Variants in PGBD2 observed in about 807,000 individuals in gnomAD.
PGBD2 encodes the protein piggyBac transposable element derived 2.
Under a neutral mutation model 8.1 loss-of-function variants are expected in PGBD2, and 6 were observed. The observed-to-expected ratio is 0.74, with a 90% CI of 0.40 to 1.46. The LOEUF (loss-of-function observed/expected upper bound fraction) is 1.46. Ranked by LOEUF, PGBD2 falls within the 40% of genes most tolerant of loss-of-function variation. The pLI is 0.02. For synonymous variants in PGBD2, 318 were observed against 272.2 expected, an observed-to-expected ratio of 1.17 and a Z score of -1.66; for missense variants, 802 against 739.0, an observed-to-expected ratio of 1.09 and a Z score of -0.99.
the PGBD2 span, among the ~76,000 whole-genome samples, chr1:248,874,891 G>A: frequency 2.0e-5 from 3 of 148,980 alleles, no homozygotes; most frequent in South Asian, 6.5e-4. Context: ...AAGGTAGATA[G>A]ATAGGTAGAT....
At chr1:248,903,515 C>G (rs968416045), upstream of PGBD2, among the ~76,000 whole-genome samples, 1 of 152,184 alleles carries the variant, frequency 6.6e-6, no homozygotes, top group Non-Finnish European at 1.5e-5. Flanking sequence ...TGCAGGACAT[C>G]AAATCCTTAA....
the PGBD2 span, among the ~76,000 whole-genome samples, chr1:248,874,933 G>GATAGATAGATAGATAGATAGACAA: frequency 2.5e-3 from 377 of 150,674 alleles, 2 homozygotes; most frequent in African/African-American, 9.0e-3. Context: ...TAGATAGATA[G>GATAGATAGATAGATAGATAGACAA]ATAGATAGAT....
At chr1:248,915,650 G>T (rs1460305659) in intron 2 of PGBD2, among the ~76,000 whole-genome samples, 1 of 152,158 alleles carries the variant, frequency 6.6e-6, no homozygotes, top group Non-Finnish European at 1.5e-5. Flanking sequence ...CCATCCATTT[G>T]GTTCCTATGT....
chr1:248,919,319 A>G (rs1048878735), downstream of PGBD2: 1 of 166,882 alleles, frequency 6.0e-6, no homozygotes, highest in Non-Finnish European at 1.5e-5. Flanking sequence ...AGCTCCCACA[A>G]ATAAGTGAGA....
the PGBD2 span, among the ~76,000 whole-genome samples, chr1:248,889,849 A>G: frequency 1.3e-5 from 2 of 151,096 alleles, no homozygotes; most frequent in African/African-American, 2.5e-5. Context: ...TCCCTCCCAG[A>G]TAGGCAAAAC....
chr1:248,904,210 G>C (rs1661580820), upstream of PGBD2, among the ~76,000 whole-genome samples: 1 of 151,516 alleles, frequency 6.6e-6, no homozygotes, highest in African/African-American at 2.4e-5. Flanking sequence ...AGCTTATTTA[G>C]CCTATTTCTC....
At chr1:248,883,911 T>C in the PGBD2 span, among the ~76,000 whole-genome samples, 2 of 152,184 alleles carry the variant, frequency 1.3e-5, no homozygotes, top group Admixed American at 6.5e-5. Context: ...TTTCTTCTAC[T>C]GTGCAGAAGC....
the PGBD2 span, among the ~76,000 whole-genome samples, chr1:248,883,972 G>A: frequency 2.2e-3 from 331 of 152,192 alleles, no homozygotes; most frequent in African/African-American, 7.7e-3. Context: ...AGTTGCAATT[G>A]CTTTTGAGCA....
the PGBD2 span, among the ~76,000 whole-genome samples, chr1:248,887,595 G>A: frequency 3.3e-5 from 5 of 152,240 alleles, no homozygotes; most frequent in Admixed American, 3.3e-4. Flanking sequence ...GGAGATGATG[G>A]GAGCGAAACA....
intron 2 of PGBD2, among the ~76,000 whole-genome samples, chr1:248,916,275 A>G (rs143933034): frequency 0.032 from 4,883 of 152,016 alleles, 252 homozygotes; most frequent in African/African-American, 0.11. Context: ...TTAGCCGGGC[A>G]TGGTGGCACG....
intron 1 of PGBD2, among the ~76,000 whole-genome samples, chr1:248,909,905 G>A (rs1402440694): frequency 6.6e-6 from 1 of 152,242 alleles, no homozygotes; most frequent in African/African-American, 2.4e-5. Flanking sequence ...GGACCAGGCT[G>A]TGAATGGCTT....
chr1:248,873,996 A>G, the PGBD2 span, among the ~76,000 whole-genome samples: 3 of 151,728 alleles, frequency 2.0e-5, no homozygotes, highest in African/African-American at 7.3e-5. Flanking sequence ...CCCGGAAGAA[A>G]CCCCAGAATT....
chr1:248,888,581 A>G, the PGBD2 span, among the ~76,000 whole-genome samples: 1 of 152,008 alleles, frequency 6.6e-6, no homozygotes, highest in African/African-American at 2.4e-5. Context: ...TCATTTTTTA[A>G]TGGAGTTGTT....
chr1:248,892,739 G>A, the PGBD2 span, among the ~76,000 whole-genome samples: 1 of 152,140 alleles, frequency 6.6e-6, no homozygotes, highest in Non-Finnish European at 1.5e-5. Context: ...TGCAGCTTGG[G>A]CTACCCCAGA....
downstream of PGBD2, among the ~76,000 whole-genome samples, chr1:248,922,469 C>T (rs1375612229): frequency 6.6e-6 from 1 of 152,116 alleles, no homozygotes; most frequent in Non-Finnish European, 1.5e-5. Flanking sequence ...GCCTCATTGC[C>T]CTGGCCAGAA....
At chr1:248,892,666 C>A in the PGBD2 span, among the ~76,000 whole-genome samples, 281 of 152,266 alleles carry the variant, frequency 1.8e-3, 1 homozygote, top group African/African-American at 6.0e-3. Flanking sequence ...TCACACCTGG[C>A]TATTAAGAAG....
chr1:248,904,030 A>T (rs1407083221), upstream of PGBD2, among the ~76,000 whole-genome samples: 1 of 152,040 alleles, frequency 6.6e-6, no homozygotes, highest in Non-Finnish European at 1.5e-5. Flanking sequence ...ATAAATTAAT[A>T]AATATATAAG....
chr1:248,891,357 G>A, the PGBD2 span, among the ~76,000 whole-genome samples: 3 of 152,034 alleles, frequency 2.0e-5, no homozygotes, highest in Non-Finnish European at 2.9e-5. Context: ...TAGACTGGCT[G>A]TGCTGTAGAT....
chr1:248,876,805 A>G, the PGBD2 span, among the ~76,000 whole-genome samples: 8 of 152,206 alleles, frequency 5.3e-5, no homozygotes, highest in Non-Finnish European at 7.3e-5. Context: ...CTGAATTTCC[A>G]CTGGGCACAT....
Sources: allele counts gnomAD v4.1 joint callset (sites outside exome capture counted in the v4.1 genomes callset), GRCh38; gene constraint gnomAD v4.1.1; transcripts MANE v1.5; gene names NCBI Gene and HGNC (gene_info 2026-07-23, HGNC 2026-07-21).